The following PALLD variants were observed in gnomAD, a reference collection of about 807,000 sequenced individuals.
PALLD encodes palladin.
A neutral mutation model predicts 123.5 loss-of-function variants in PALLD; 61 were observed. The observed-to-expected ratio is 0.49, with a 90% CI of 0.40 to 0.61. The LOEUF (loss-of-function observed/expected upper bound fraction) is 0.61. Ranked by LOEUF, PALLD falls within the 20% of genes least tolerant of loss-of-function variation. The probability of loss-of-function intolerance (pLI) is 0.00; values close to 1 mark genes in which losing one functional copy is unlikely to be tolerated. For synonymous variants in PALLD, 465 were observed against 496.4 expected (o/e 0.94, Z 0.84); for missense variants, 1,273 against 1,377.0 (o/e 0.92, Z 1.20).
At chr4:168,569,741 G>T (rs1165725798) in intron 2 of PALLD, among the ~76,000 whole-genome samples, 2 of 152,128 alleles carry the variant, frequency 1.3e-5, no homozygotes, top group African/African-American at 2.4e-5. Flanking sequence ...GGTTAGTGCG[G>T]CATATGGTGA....
chr4:168,562,270 A>G (rs1234609164), intron 2 of PALLD, among the ~76,000 whole-genome samples: 1 of 152,182 alleles, frequency 6.6e-6, no homozygotes, highest in Non-Finnish European at 1.5e-5. Flanking sequence ...TGATTTACAT[A>G]TATTATTTCT....
intron 10 of PALLD, among the ~76,000 whole-genome samples, chr4:168,716,234 C>T (rs557843953): frequency 6.6e-6 from 1 of 152,194 alleles, no homozygotes; most frequent in South Asian, 2.1e-4. Context: ...ATGAGAACTC[C>T]AAAGGGAGGT....
At chr4:168,902,573 C>T (rs1371054298) in intron 14 of PALLD, among the ~76,000 whole-genome samples, 3 of 151,990 alleles carry the variant, frequency 2.0e-5, no homozygotes, top group Non-Finnish European at 2.9e-5. Flanking sequence ...ACCTGGGAGG[C>T]GGAGGTTACA....
chr4:168,703,011 A>T (rs1215130035), intron 8 of PALLD, among the ~76,000 whole-genome samples: 5 of 134,894 alleles, frequency 3.7e-5, no homozygotes, highest in East Asian at 2.3e-4. Flanking sequence ...GCACCCACTA[A>T]CTCGTCATCT....
chr4:168,502,096 T>C (rs1761468406), intron 1 of PALLD, among the ~76,000 whole-genome samples: 1 of 152,192 alleles, frequency 6.6e-6, no homozygotes, highest in African/African-American at 2.4e-5. Flanking sequence ...CCCTGGCCTA[T>C]GAAAGAGGTG....
intron 2 of PALLD, among the ~76,000 whole-genome samples, chr4:168,643,612 C>G (rs1343321184): frequency 6.6e-6 from 1 of 151,648 alleles, no homozygotes; most frequent in Non-Finnish European, 1.5e-5. Context: ...CTAATGAACA[C>G]TTTTAGGAAA....
Position 168,679,775 on chromosome 4 carries a change from T to G in PALLD, c.1088-1557T>G, listed in dbSNP as rs572416652. On this transcript the variant is annotated intron_variant, in intron 3 of 21. Coordinates refer to ENST00000505667, the MANE Select transcript of PALLD (RefSeq NM_001166108.2). The stretch of plus-strand genomic sequence containing the variant: ...TTACTGAGTAGAGATTCTAATCATC[T>G]CATTTTTAACAGGGAAAGTGTGCTC... Among the ~76,000 whole-genome samples the G allele has an allele frequency of 2.6e-4, 39 of 152,168 alleles. No individual in the cohort carries two copies. The South Asian group carries it at 3.7e-3, about 15-fold the overall frequency.
chr4:168,771,040 G>GC (rs1259169572), intron 10 of PALLD, among the ~76,000 whole-genome samples: 1 of 143,442 alleles, frequency 7.0e-6, no homozygotes, highest in African/African-American at 2.6e-5. Context: ...ACCTGGGTGG[G>GC]CAACAGAGCA....
chr4:168,862,070 T>TAA (rs11446393), intron 10 of PALLD, among the ~76,000 whole-genome samples: 69 of 152,208 alleles, frequency 4.5e-4, no homozygotes, highest in Non-Finnish European at 7.9e-4. Flanking sequence ...GTGTATTCTT[T>TAA]AAAAAATAGG....
At chr4:168,600,056 T>TATACATACATGTGTATACACACACATAG (rs1772442300) in intron 2 of PALLD, among the ~76,000 whole-genome samples, 1 of 124,928 alleles carries the variant, frequency 8.0e-6, no homozygotes, top group African/African-American at 2.7e-5. Flanking sequence ...TACACACATA[T>TATACATACATGTGTATACACACACATAG]ATACATACAT....
Position 168,890,804 on chromosome 4 carries a change from T to TA in PALLD, c.1965-112dup, listed in dbSNP as rs1560864777. 6.0e-5 allele frequency: 61 copies of TA among 1,023,432 alleles called. 1 individual carries two copies. The highest frequency in any genetic ancestry group is 5.9e-4 in the South Asian group (46 of 78,554). 63.4% of individuals were successfully genotyped at this position (1,023,432 alleles called of 1,614,324 possible). Reference sequence around the variant, plus strand: ...CATCATAGTTGCAACAGATGTAGCATAAAAAATAGTGGGAGTGACATGCTG... The same window carrying TA: ...CATCATAGTTGCAACAGATGTAGCATAAAAAAATAGTGGGAGTGACATGCTG... On this transcript the variant is annotated intron_variant, in intron 10 of 21. Transcript: ENST00000505667.
rs1784871958 is a variant in PALLD, at chr4:168,711,904, C to G, written c.1945C>G (p.Leu649Val). Residue 649 changes from leucine (L) to valine (V), a missense_variant, in exon 10 of 22, where the codon CTG (leucine) becomes GTG (valine). This residue lies in a region of PALLD where 944 missense variants were observed against 954.5 expected (regional missense o/e 0.99). Coordinates refer to ENST00000505667, the MANE Select transcript of PALLD (RefSeq NM_001166108.2). ...LLSPTKEPPP[L>V]LAKPKLGFPK... The stretch of plus-strand genomic sequence containing the variant: ...TTCACCCACTAAGGAGCCACCACCT[C>G]TGCTTGCCAAACCAAAACTGTGAGT... 1 of 1,613,932 alleles carries G rather than the reference C, an allele frequency of 6.2e-7. No individual in the cohort carries two copies. The highest frequency in any genetic ancestry group is 1.3e-5 in the African/African-American group (1 of 75,044).
At chr4:168,840,059 A>G (rs956366236) in intron 10 of PALLD, among the ~76,000 whole-genome samples, 2 of 152,132 alleles carry the variant, frequency 1.3e-5, no homozygotes, top group African/African-American at 2.4e-5. Context: ...TTCATTTTCT[A>G]TTTGTCTTCA....
Position 168,511,842 on chromosome 4 carries a change from T to C in PALLD, c.338T>C (p.Ile113Thr). Residue 113 changes from isoleucine to threonine, a missense_variant, in exon 2 of 22, where the codon ATC becomes ACC. Physicochemically the swap from Ile to Thr is moderately conservative, Grantham distance 89. This residue lies in a region of PALLD where 944 missense variants were observed against 954.5 expected (regional missense o/e 0.99). Coordinates refer to ENST00000505667, the MANE Select transcript of PALLD (RefSeq NM_001166108.2). ...QPLAEKQTKS[I>T]SSPVSKRKPA... The stretch of plus-strand genomic sequence containing the variant: ...CTGGCAGAGAAACAAACTAAGAGTA[T>C]CTCTTCACCTGTTTCAAAGAGGAAA... The C allele has an allele frequency of 6.2e-7, 1 of 1,613,994 alleles. No individual in the cohort carries two copies. Among genetic ancestry groups the C allele is most frequent in the Non-Finnish European group, 8.5e-7 (1 of 1,179,970 alleles).
At chr4:168,899,306 A>G (rs997396781) in intron 14 of PALLD, among the ~76,000 whole-genome samples, 6 of 152,142 alleles carry the variant, frequency 3.9e-5, no homozygotes, top group African/African-American at 1.4e-4. Context: ...GAGCTGCCCT[A>G]TCTTTAAAGG....
chr4:168,623,227 A>G (rs1428132159), intron 2 of PALLD, among the ~76,000 whole-genome samples: 1 of 152,212 alleles, frequency 6.6e-6, no homozygotes, highest in Non-Finnish European at 1.5e-5. Context: ...GAAGGATCCA[A>G]AGAGATCACA....
At position 168,922,102 on chromosome 4, in the gene PALLD, TAC is replaced by T. The variant is rs35503011; in HGVS notation, c.3058+402_3058+403del. Among the ~76,000 whole-genome samples, 776 of 132,596 alleles carry T rather than the reference TAC, an allele frequency of 5.9e-3. 3 individuals carry two copies. The highest frequency in any genetic ancestry group is 0.018 in the South Asian group (77 of 4,194). 87.0% of individuals were successfully genotyped at this position (132,596 alleles called of 152,430 possible). Reference sequence around the variant, plus strand: ...TTTTATATTTATATATATATATATATACACACACACACACACACACACACACA... The same window carrying T: ...TTTTATATTTATATATATATATATATACACACACACACACACACACACACA... On this transcript the variant is annotated intron_variant, in intron 18 of 21. Transcript: ENST00000505667.
chr4:168,676,180 C>CT (rs201246079), intron 3 of PALLD, among the ~76,000 whole-genome samples: 9 of 149,518 alleles, frequency 6.0e-5, no homozygotes, highest in East Asian at 3.9e-4. Context: ...CTCTTTTGAA[C>CT]TTTTTTTTTT....
At chr4:168,639,645 A>G (rs975370684) in intron 2 of PALLD, among the ~76,000 whole-genome samples, 35 of 150,488 alleles carry the variant, frequency 2.3e-4, no homozygotes, top group East Asian at 3.9e-4. Context: ...CCAGGTTCAC[A>G]CCATTCTCCT....
Sources: gnomAD v4.1 joint callset for allele counts (sites outside exome capture counted in the v4.1 genomes callset) on GRCh38, gnomAD v4.1.1 for gene constraint, gnomAD v4.1.1 regional missense constraint, MANE v1.5 for transcripts, NCBI Gene and HGNC (gene_info 2026-07-23, HGNC 2026-07-21) for gene names.